EYA1: variants seen among roughly 807,000 people sequenced by gnomAD.
The protein encoded by EYA1 is EYA transcriptional coactivator and phosphatase 1.
In EYA1, 16 loss-of-function variants were observed where a neutral mutation model predicts 82.0. That is an observed-to-expected ratio of 0.20 (90% confidence interval 0.13 to 0.30). The LOEUF (loss-of-function observed/expected upper bound fraction) is 0.30. Ranked by LOEUF, EYA1 falls within the 10% of genes least tolerant of loss-of-function variation. EYA1 has a pLI of 1.00. For synonymous variants in EYA1, 261 were observed against 264.4 expected, an observed-to-expected ratio of 0.99 and a Z score of 0.12; for missense variants, 633 against 730.7, an observed-to-expected ratio of 0.87 and a Z score of 1.54.
chr8:71,254,755 T>C (rs1315409941), intron 11 of EYA1, among the ~76,000 whole-genome samples: 1 of 152,044 alleles, frequency 6.6e-6, no homozygotes, highest in Admixed American at 6.6e-5. Context: ...ATAAAAGGCG[T>C]CAAAGTTGTA....
chr8:71,246,446 G>A (rs1188059739), intron 11 of EYA1, among the ~76,000 whole-genome samples: 1 of 152,184 alleles, frequency 6.6e-6, no homozygotes, highest in African/African-American at 2.4e-5. Flanking sequence ...ACTGCCCAAT[G>A]TCAACTTTGT....
chr8:71,318,822 A>G (rs1822207829), intron 6 of EYA1, among the ~76,000 whole-genome samples: 1 of 152,170 alleles, frequency 6.6e-6, no homozygotes, highest in Non-Finnish European at 1.5e-5. Flanking sequence ...CTTGGCTGAG[A>G]GTGCCTACTT....
intron 2 of EYA1, among the ~76,000 whole-genome samples, chr8:71,406,377 T>C (rs1008874463): frequency 4.6e-5 from 7 of 152,220 alleles, no homozygotes; most frequent in Non-Finnish European, 1.0e-4. Flanking sequence ...GGAGCCAAGA[T>C]GGCCGAATAG....
intron 2 of EYA1, among the ~76,000 whole-genome samples, chr8:71,451,104 T>C (rs1306003756): frequency 6.6e-6 from 1 of 152,232 alleles, no homozygotes; most frequent in African/African-American, 2.4e-5. Context: ...TAATTATACA[T>C]ATTTTTATTC....
chr8:71,262,056 C>T (rs771185936), intron 11 of EYA1, among the ~76,000 whole-genome samples: 1 of 152,226 alleles, frequency 6.6e-6, no homozygotes, highest in African/African-American at 2.4e-5. Context: ...AATCCTGGCA[C>T]TCAATGCTCT....
chr8:71,434,137 A>T (rs995205269), intron 2 of EYA1, among the ~76,000 whole-genome samples: 1 of 152,196 alleles, frequency 6.6e-6, no homozygotes, highest in African/African-American at 2.4e-5. Context: ...CATCTGAAGG[A>T]TGAAGTTATT....
chr8:71,233,368 T>C (rs547355310), intron 12 of EYA1, among the ~76,000 whole-genome samples: 2 of 151,960 alleles, frequency 1.3e-5, no homozygotes, highest in Non-Finnish European at 2.9e-5. Flanking sequence ...ATCGAGACCA[T>C]CCTGGCTAAC....
chr8:71,383,643 G>C (rs1222311489), intron 2 of EYA1, among the ~76,000 whole-genome samples: 1 of 152,064 alleles, frequency 6.6e-6, no homozygotes, highest in African/African-American at 2.4e-5. Flanking sequence ...TTTAAAGCAT[G>C]CAATAATATG....
intron 2 of EYA1, chr8:71,404,452 A>G (rs964741644): frequency 7.2e-5 from 11 of 152,236 alleles, no homozygotes; most frequent in Admixed American, 6.5e-5. Context: ...TTAGCCATAT[A>G]GATATTCACA....
intron 9 of EYA1, among the ~76,000 whole-genome samples, chr8:71,277,438 C>T (rs1817334423): frequency 6.6e-6 from 1 of 152,114 alleles, no homozygotes; most frequent in Non-Finnish European, 1.5e-5. Context: ...AGGCATGAGC[C>T]AATGCACCTG....
chr8:71,277,258 C>A (rs1173728654), intron 9 of EYA1, among the ~76,000 whole-genome samples: 1 of 150,152 alleles, frequency 6.7e-6, no homozygotes. Flanking sequence ...CAATATATAT[C>A]TCTCAAGCTC....
At chr8:71,199,478 C>A in intron 17 of EYA1, 58 bp from the exon 18 acceptor site, 3 of 1,280,138 alleles carry the variant, frequency 2.3e-6, no homozygotes, top group Non-Finnish European at 3.3e-6. Flanking sequence ...GCCCTGCCAG[C>A]TTTTTTGGAA....
chr8:71,238,277 T>C (rs1002510860), intron 12 of EYA1, among the ~76,000 whole-genome samples: 7 of 152,180 alleles, frequency 4.6e-5, no homozygotes, highest in Non-Finnish European at 1.0e-4. Context: ...TCATACTTAG[T>C]CCAATGTCAA....
intron 2 of EYA1, among the ~76,000 whole-genome samples, chr8:71,436,642 C>G (rs1170224300): frequency 1.3e-5 from 2 of 152,104 alleles, no homozygotes; most frequent in Non-Finnish European, 2.9e-5. Context: ...AATGCATCCT[C>G]CAGATGAGTT....
intron 2 of EYA1, among the ~76,000 whole-genome samples, chr8:71,406,853 G>A (rs376983346): frequency 7.2e-6 from 1 of 138,938 alleles, no homozygotes; most frequent in Admixed American, 7.3e-5. Flanking sequence ...CGGGAAGCTC[G>A]AACTGGGTGG....
At chr8:71,482,458 A>G (rs868138778) in intron 2 of EYA1, among the ~76,000 whole-genome samples, 1 of 152,238 alleles carries the variant, frequency 6.6e-6, no homozygotes, top group South Asian at 2.1e-4. Context: ...AACTGGTTCA[A>G]CCACATTGAA....
At chr8:71,356,960 A>G (rs1053670157) in intron 1 of EYA1, among the ~76,000 whole-genome samples, 1 of 152,202 alleles carries the variant, frequency 6.6e-6, no homozygotes, top group Non-Finnish European at 1.5e-5. Flanking sequence ...ACCAGCTGAA[A>G]TAGAGCTCCC....
chr8:71,546,306 G>C (rs963603337), intron 1 of EYA1, among the ~76,000 whole-genome samples: 4 of 152,140 alleles, frequency 2.6e-5, no homozygotes, highest in Admixed American at 2.6e-4. Flanking sequence ...GTAACAAAAT[G>C]TCTGGTACAA....
intron 2 of EYA1, among the ~76,000 whole-genome samples, chr8:71,383,618 A>T (rs1228943448): frequency 6.6e-6 from 1 of 152,150 alleles, no homozygotes; most frequent in East Asian, 1.9e-4. Flanking sequence ...ATAATAGGTT[A>T]CTTTTTGCCT....
Sources: gnomAD v4.1 joint callset for allele counts (sites outside exome capture counted in the v4.1 genomes callset) on GRCh38, gnomAD v4.1.1 for gene constraint, MANE v1.5 for transcripts, NCBI Gene and HGNC (gene_info 2026-07-23, HGNC 2026-07-21) for gene names.